PBX1: variants seen among roughly 807,000 people sequenced by gnomAD.
PBX1 encodes PBX homeobox 1.
PBX1 carries 6 observed loss-of-function variants against 53.4 expected under a neutral mutation model. That is an observed-to-expected ratio of 0.11 (90% CI 0.06 to 0.22). PBX1 has a LOEUF of 0.22. PBX1 is among the 10% of genes least tolerant of loss of function. The pLI is 1.00. For missense variants in PBX1, 251 were observed against 551.4 expected (o/e 0.46, Z 5.46); for synonymous variants, 204 against 212.3 (o/e 0.96, Z 0.34).
At chr1:164,881,659 G>T (rs1279567803) in intron 2 of PBX1, among the ~76,000 whole-genome samples, 2 of 136,200 alleles carry the variant, frequency 1.5e-5, no homozygotes, top group East Asian at 4.2e-4. Flanking sequence ...GGAAAAAGAG[G>T]AAGGAAGGAG....
At chr1:164,629,527 G>A (rs1658272366) in intron 2 of PBX1, among the ~76,000 whole-genome samples, 1 of 152,134 alleles carries the variant, frequency 6.6e-6, no homozygotes, top group Non-Finnish European at 1.5e-5. Context: ...ACATTCTTAG[G>A]GAAACTGAGA....
chr1:164,696,343 A>T (rs143976364), intron 2 of PBX1, among the ~76,000 whole-genome samples: 15 of 152,242 alleles, frequency 9.9e-5, no homozygotes, highest in African/African-American at 3.6e-4. Flanking sequence ...AAGATGATGG[A>T]ATCATTTAAT....
At chr1:164,736,669 A>G (rs762387450) in intron 2 of PBX1, among the ~76,000 whole-genome samples, 93 of 152,334 alleles carry the variant, frequency 6.1e-4, no homozygotes, top group Non-Finnish European at 3.4e-4. Context: ...ATAATTGTGA[A>G]GCAAATATGA....
At chr1:164,629,474 A>G (rs1424150268) in intron 2 of PBX1, among the ~76,000 whole-genome samples, 1 of 152,132 alleles carries the variant, frequency 6.6e-6, no homozygotes, top group Non-Finnish European at 1.5e-5. Context: ...ATGGAATATT[A>G]GTCCTAAAAG....
chr1:164,760,680 T>G (rs1289841333), intron 2 of PBX1, among the ~76,000 whole-genome samples: 1 of 152,222 alleles, frequency 6.6e-6, no homozygotes, highest in Non-Finnish European at 1.5e-5. Flanking sequence ...TAGAGTAATT[T>G]GAATATTTCA....
At chr1:164,688,388 C>CTTTA (rs1178023220) in intron 2 of PBX1, among the ~76,000 whole-genome samples, 1 of 152,170 alleles carries the variant, frequency 6.6e-6, no homozygotes, top group African/African-American at 2.4e-5. Flanking sequence ...TGCTGAAGAA[C>CTTTA]TTTTAATAAA....
At chr1:164,601,125 G>A (rs1656139872) in intron 2 of PBX1, among the ~76,000 whole-genome samples, 1 of 150,830 alleles carries the variant, frequency 6.6e-6, no homozygotes, top group South Asian at 2.1e-4. Context: ...TGTAGTCCCA[G>A]CTACTCGGGA....
At chr1:164,608,585 A>G (rs1656705707) in intron 2 of PBX1, among the ~76,000 whole-genome samples, 1 of 152,232 alleles carries the variant, frequency 6.6e-6, no homozygotes, top group South Asian at 2.1e-4. Flanking sequence ...TCTCTATTAG[A>G]CAGATGAGGA....
At position 164,849,974 on chromosome 1, in the gene PBX1, T is replaced by G. The variant is rs2102427660; in HGVS notation, c.*3298T>G. The G allele has an allele frequency of 8.8e-6, 2 of 227,914 alleles. No homozygotes were observed. The highest frequency in any genetic ancestry group is 1.3e-4 in the East Asian group (2 of 15,852). 14.1% of individuals were successfully genotyped at this position (227,914 alleles called of 1,614,324 possible). ...ACATTTTCCATTGTTTCTTGCGACT[T>G]GTGTCTCGTTCTTTGTAGTATTGAT... is the stretch of plus-strand genomic sequence containing the variant. On this transcript the variant is annotated 3_prime_UTR_variant, in exon 9 of 9. Coordinates refer to ENST00000420696, the MANE Select transcript of PBX1 (RefSeq NM_002585.4).
intron 2 of PBX1, among the ~76,000 whole-genome samples, chr1:164,673,262 AC>A (rs1661211213): frequency 6.6e-6 from 1 of 152,098 alleles, no homozygotes; most frequent in African/African-American, 2.4e-5. Flanking sequence ...AAGATTAGTC[AC>A]CGGGGTGTTT....
At chr1:164,735,085 C>G (rs190095602) in intron 2 of PBX1, among the ~76,000 whole-genome samples, 1 of 152,130 alleles carries the variant, frequency 6.6e-6, no homozygotes, top group Non-Finnish European at 1.5e-5. Context: ...CTATAGTGCT[C>G]TATAGTTTTA....
chr1:164,687,029 G>T (rs1662145422), intron 2 of PBX1, among the ~76,000 whole-genome samples: 1 of 152,080 alleles, frequency 6.6e-6, no homozygotes, highest in South Asian at 2.1e-4. Flanking sequence ...GTAATTCTTG[G>T]ATGCAAAAGT....
At chr1:164,747,316 CAT>C (rs1491369962) in intron 2 of PBX1, among the ~76,000 whole-genome samples, 1 of 148,040 alleles carries the variant, frequency 6.8e-6, no homozygotes, top group Non-Finnish European at 1.5e-5. Context: ...ATGTATGAAT[CAT>C]GTATATATAT....
intron 2 of PBX1, among the ~76,000 whole-genome samples, chr1:164,587,367 T>C (rs1044644038): frequency 6.6e-6 from 1 of 152,170 alleles, no homozygotes; most frequent in African/African-American, 2.4e-5. Context: ...ATTGGGGGTC[T>C]TGGCTGTCTC....
intron 2 of PBX1, among the ~76,000 whole-genome samples, chr1:164,592,620 A>T (rs1655469778): frequency 6.6e-6 from 1 of 152,164 alleles, no homozygotes; most frequent in African/African-American, 2.4e-5. Context: ...GGGGAGTGAA[A>T]GGGAATGGCC....
At chr1:164,620,458 G>A (rs1330016394) in intron 2 of PBX1, among the ~76,000 whole-genome samples, 1 of 151,848 alleles carries the variant, frequency 6.6e-6, no homozygotes, top group Non-Finnish European at 1.5e-5. Flanking sequence ...TCATATGCGT[G>A]CATGTGCATT....
intron 2 of PBX1, chr1:164,683,407 A>ATCTTG (rs1184726032): frequency 6.6e-6 from 1 of 152,182 alleles, no homozygotes; most frequent in East Asian, 1.9e-4. Flanking sequence ...CACTTTTATT[A>ATCTTG]TCTTGACTTA....
intron 2 of PBX1, among the ~76,000 whole-genome samples, chr1:164,671,400 A>G (rs2101972512): frequency 6.6e-6 from 1 of 152,298 alleles, no homozygotes; most frequent in African/African-American, 2.4e-5. Context: ...TTTCTTTTAA[A>G]TGACTGCACG....
chr1:164,741,422 G>A (rs1665594626), intron 2 of PBX1, among the ~76,000 whole-genome samples: 1 of 152,150 alleles, frequency 6.6e-6, no homozygotes, highest in Non-Finnish European at 1.5e-5. Context: ...CAGCCAGAAA[G>A]GTCTTTTAAG....
Sources: gnomAD v4.1 joint callset for allele counts (sites outside exome capture counted in the v4.1 genomes callset) on GRCh38, gnomAD v4.1.1 for gene constraint, MANE v1.5 for transcripts, NCBI Gene and HGNC (gene_info 2026-07-23, HGNC 2026-07-21) for gene names.